Variants in SGCD observed in about 807,000 individuals in gnomAD.
SGCD encodes sarcoglycan delta.
SGCD carries 18 observed loss-of-function variants against 36.6 expected under a neutral mutation model. The observed-to-expected ratio is 0.49, with a 90% confidence interval of 0.34 to 0.73. The LOEUF (loss-of-function observed/expected upper bound fraction) is 0.73. Ranked by LOEUF, SGCD falls within the 30% of genes least tolerant of loss-of-function variation. The pLI is 0.01. For missense variants in SGCD, 387 were observed against 346.7 expected (o/e 1.12, Z -0.92); for synonymous variants, 133 against 130.6 (o/e 1.02, Z -0.12).
rs150742718 is a variant in SGCD at position 156,561,207 on chromosome 5, T to A, written c.295-28024T>A. Among the ~76,000 whole-genome samples the A allele has an allele frequency of 2.0e-5, 3 of 152,306 alleles. No homozygotes were observed. The East Asian group carries it at 5.8e-4, about 29-fold the overall frequency. ...CTTCTACATTACAGGGCTTTGGAAG[T>A]CATTTCCTAACCCTAGCCCTCAGGT... On this transcript the variant is annotated intron_variant, in intron 4 of 8. Coordinates refer to ENST00000337851, the MANE Select transcript of SGCD (RefSeq NM_000337.6).
chr5:156,268,749 C>T (rs942387283), intron 3 of SGCD, among the ~76,000 whole-genome samples: 2 of 152,068 alleles, frequency 1.3e-5, no homozygotes, highest in Non-Finnish European at 2.9e-5. Context: ...TGCGCCATCA[C>T]GCCTGGCAAA....
rs1243116892 is a variant in SGCD at position 155,975,680 on chromosome 5, A to G, written c.-282+105256A>G. 2.7e-5 allele frequency among the ~76,000 whole-genome samples: 3 copies of G among 112,856 alleles called. No individual in the cohort carries two copies. The Admixed American group carries it at 4.1e-4, about 15-fold the overall frequency. The allele number at this position is 112,856 out of a possible 152,430, so 74.0% of individuals were successfully genotyped here. A position where few individuals can be genotyped will look rare whatever the true frequency, so the allele number is the denominator to read the frequency against. ...GTTTCGCTCTTGTTGCCCAGGCTGGAGTGCAATGGCAAGATCTCAGCTCAC... is the reference window on the plus strand; with the variant it reads ...GTTTCGCTCTTGTTGCCCAGGCTGGGGTGCAATGGCAAGATCTCAGCTCAC... On this transcript the variant is annotated intron_variant, in intron 1 of 9. Transcript: ENST00000517913.
At chr5:155,799,764 C>CTT in the SGCD span, among the ~76,000 whole-genome samples, 1 of 143,424 alleles carries the variant, frequency 7.0e-6, no homozygotes, top group Admixed American at 7.0e-5. Flanking sequence ...CACAATGTAA[C>CTT]TTTTTTCAAA....
rs904571999 is a variant in SGCD, at chr5:156,676,027, G to A, written c.575+28491G>A. ...AATCAATAGCTCTCTCTTAACCATA[G>A]CATGGAAATGAAATTACACATTAAA... On this transcript the variant is annotated intron_variant, in intron 7 of 8. Transcript: ENST00000337851. Among the ~76,000 whole-genome samples the A allele has an allele frequency of 2.0e-5, 3 of 152,132 alleles. No homozygotes were observed. In the East Asian group the frequency reaches 5.8e-4, roughly 29 times the overall value.
the SGCD span, among the ~76,000 whole-genome samples, chr5:155,753,210 G>T: frequency 6.6e-6 from 1 of 151,982 alleles, no homozygotes; most frequent in African/African-American, 2.4e-5. Context: ...GGTGGCACGC[G>T]CCTGTAGTCC....
At chr5:156,567,120 A>G (rs1206406061) in intron 4 of SGCD, among the ~76,000 whole-genome samples, 10 of 152,200 alleles carry the variant, frequency 6.6e-5, no homozygotes, top group South Asian at 6.2e-4. Context: ...AGTTTTTTGG[A>G]TACTTTGAAA....
chr5:156,640,085 A>G (rs1423684499), intron 6 of SGCD, among the ~76,000 whole-genome samples: 2 of 152,116 alleles, frequency 1.3e-5, no homozygotes, highest in African/African-American at 2.4e-5. Context: ...TCAGTGTTCC[A>G]TCAGCTTCTT....
chr5:156,502,036 CTCT>C (rs1479045687), intron 3 of SGCD, among the ~76,000 whole-genome samples: 1 of 149,926 alleles, frequency 6.7e-6, no homozygotes, highest in African/African-American at 2.5e-5. Context: ...ATGATATTCT[CTCT>C]TTTTTTTTTT....
chr5:156,015,092 C>T (rs533714545), intron 1 of SGCD, among the ~76,000 whole-genome samples: 6 of 152,296 alleles, frequency 3.9e-5, no homozygotes, highest in African/African-American at 1.4e-4. Context: ...TGAGGAGATA[C>T]TTCGAGAACA....
chr5:156,086,848 C>A (rs1490016326), intron 1 of SGCD, among the ~76,000 whole-genome samples: 1 of 152,198 alleles, frequency 6.6e-6, no homozygotes, highest in Non-Finnish European at 1.5e-5. Flanking sequence ...TATTTGGTTA[C>A]AACTCTCTGC....
chr5:156,490,535 A>G (rs1389215141), intron 3 of SGCD, among the ~76,000 whole-genome samples: 4 of 152,094 alleles, frequency 2.6e-5, no homozygotes, highest in African/African-American at 9.6e-5. Context: ...CCCAGGGATT[A>G]CAAGGATGGT....
At chr5:156,400,929 AATGGC>A (rs1312912558) in intron 3 of SGCD, among the ~76,000 whole-genome samples, 1 of 152,226 alleles carries the variant, frequency 6.6e-6, no homozygotes. Context: ...GAGATGTTGG[AATGGC>A]AGAGTGTCTG....
At chr5:156,472,267 A>C in intron 3 of SGCD, among the ~76,000 whole-genome samples, 1 of 152,234 alleles carries the variant, frequency 6.6e-6, no homozygotes, top group East Asian at 1.9e-4. Flanking sequence ...ACATATATCC[A>C]AAAAGGGCTT....
intron 1 of SGCD, among the ~76,000 whole-genome samples, chr5:155,985,123 A>C (rs1254695985): frequency 6.6e-6 from 1 of 152,190 alleles, no homozygotes; most frequent in African/African-American, 2.4e-5. Flanking sequence ...ATTACCGTAC[A>C]TTTCACAGCT....
intron 7 of SGCD, among the ~76,000 whole-genome samples, chr5:156,696,401 G>T (rs1302126884): frequency 6.6e-6 from 1 of 152,182 alleles, no homozygotes; most frequent in Non-Finnish European, 1.5e-5. Flanking sequence ...TAGGAAAACT[G>T]TTCTTACATA....
chr5:156,415,777 A>G (rs1561680751), intron 3 of SGCD, among the ~76,000 whole-genome samples: 1 of 152,188 alleles, frequency 6.6e-6, no homozygotes, highest in Non-Finnish European at 1.5e-5. Flanking sequence ...TAACATTTCC[A>G]TATAAGTGAA....
the SGCD span, among the ~76,000 whole-genome samples, chr5:155,831,355 C>T: frequency 6.6e-6 from 1 of 152,152 alleles, no homozygotes; most frequent in African/African-American, 2.4e-5. Flanking sequence ...ACAATGCACA[C>T]AATATGAAAG....
intron 3 of SGCD, chr5:156,458,590 C>A: frequency 1.3e-6 from 1 of 760,276 alleles, no homozygotes; most frequent in Non-Finnish European, 2.2e-6. Flanking sequence ...ATTAACATCT[C>A]TAAACCTCAG....
rs2127614012 is a variant in SGCD at position 156,148,843 on chromosome 5, A to C, written c.-44+24824A>C. ...CTAATCTTTAGGGTCCGGGGTCTGG[A>C]AAGTTTTCTCTAGAGCCGTGGAAAG... On this transcript the variant is annotated intron_variant, in intron 3 of 9. Coordinates refer to the SGCD transcript ENST00000517913. 1.3e-5 allele frequency among the ~76,000 whole-genome samples: 2 copies of C among 152,272 alleles called. 1 individual carries two copies. The highest frequency in any genetic ancestry group is 4.1e-4 in the South Asian group (2 of 4,828).
Sources: gnomAD v4.1 joint callset for allele counts (sites outside exome capture counted in the v4.1 genomes callset) on GRCh38, gnomAD v4.1.1 for gene constraint, MANE v1.5 for transcripts, NCBI Gene and HGNC (gene_info 2026-07-23, HGNC 2026-07-21) for gene names.